The following AFF4 variants were observed in gnomAD, a reference collection of about 807,000 sequenced individuals.
The protein encoded by AFF4 is AF4/FMR2 family member 4.
Under a neutral mutation model 124.8 loss-of-function variants are expected in AFF4, and 13 were observed. The ratio of observed to expected loss-of-function variants is 0.10; its 90% confidence interval spans 0.07 to 0.17. AFF4 has a LOEUF of 0.17. Among genes scored for constraint, AFF4 ranks in the 10% least tolerant of loss-of-function variants. AFF4 has a pLI of 1.00. For missense variants in AFF4, 1,092 were observed against 1,403.8 expected (o/e 0.78, Z 3.55); for synonymous variants, 477 against 496.1 (o/e 0.96, Z 0.51).
chr5:132,932,355 G>T, intron 3 of AFF4, 133 bp from the exon 4 acceptor site: 1 of 550,444 alleles, frequency 1.8e-6, no homozygotes, highest in Non-Finnish European at 2.9e-6. Flanking sequence ...AGAATCTTTG[G>T]ATTAATTTCC....
chr5:132,893,445 A>C (rs1282471498), intron 11 of AFF4, among the ~76,000 whole-genome samples: 2 of 152,234 alleles, frequency 1.3e-5, no homozygotes, highest in Non-Finnish European at 2.9e-5. Flanking sequence ...TTAGAAGTGC[A>C]CAATTCCATA....
At chr5:132,921,413 G>T (rs182394909) in intron 5 of AFF4, among the ~76,000 whole-genome samples, 2 of 151,204 alleles carry the variant, frequency 1.3e-5, no homozygotes, top group Admixed American at 6.6e-5. Flanking sequence ...CCATTGGCAG[G>T]AATAAAAAAT....
At chr5:132,904,228 GAA>G (rs763656407) in intron 6 of AFF4, 138 bp downstream of exon 6, 437 of 522,850 alleles carry the variant, frequency 8.4e-4, no homozygotes, top group Non-Finnish European at 8.8e-4. Context: ...CTACACTCCA[GAA>G]AAAAAAAAAA....
rs754030020 is a variant in AFF4, at chr5:132,934,917, T to C, written c.148A>G (p.Ser50Gly). Residue 50 changes from serine to glycine, a missense_variant, in exon 3 of 21, where the codon AGT (serine) becomes GGT (glycine). Ser to Gly is a moderately conservative substitution (Grantham distance 56). This residue lies in a region of AFF4 where 35 missense variants were observed against 70.9 expected (regional missense o/e 0.49). Transcript: ENST00000265343. ...KVTSKEDKLSSRIQSMLGNYD... is the reference protein window; with the variant it reads ...KVTSKEDKLSGRIQSMLGNYD... ...TTTCCAAGCATACTCTGAATACGACTTGATAACTTATCTTCTTTGCTAGTC... is the reference window on the plus strand; with the variant it reads ...TTTCCAAGCATACTCTGAATACGACCTGATAACTTATCTTCTTTGCTAGTC... 1 of 1,585,492 alleles carries C rather than the reference T, an allele frequency of 6.3e-7. No homozygotes were observed.
intron 4 of AFF4, among the ~76,000 whole-genome samples, chr5:132,929,404 T>G (rs1761252132): frequency 6.6e-6 from 1 of 152,170 alleles, no homozygotes; most frequent in South Asian, 2.1e-4. Flanking sequence ...TAAGAAAATC[T>G]TCCACATACT....
chr5:132,952,194 T>C (rs1246362173), intron 1 of AFF4, among the ~76,000 whole-genome samples: 2 of 152,232 alleles, frequency 1.3e-5, no homozygotes, highest in African/African-American at 4.8e-5. Flanking sequence ...CTTTAGTAGA[T>C]ACAGCCAAAT....
At chr5:132,926,847 A>AC in intron 5 of AFF4, 1 of 275,570 alleles carries the variant, frequency 3.6e-6, no homozygotes, top group Non-Finnish European at 6.9e-6. Context: ...GGAGTGAGCC[A>AC]CCGTGTCCGG....
intron 1 of AFF4, among the ~76,000 whole-genome samples, chr5:132,947,352 G>A (rs954421746): frequency 3.3e-5 from 5 of 152,176 alleles, no homozygotes; most frequent in South Asian, 2.1e-4. Flanking sequence ...GCAGTGAGCC[G>A]AGATTGTGCC....
intron 3 of AFF4, among the ~76,000 whole-genome samples, chr5:132,932,991 G>A (rs1377303079): frequency 6.6e-6 from 1 of 152,186 alleles, no homozygotes; most frequent in Non-Finnish European, 1.5e-5. Flanking sequence ...TTGCAAAACA[G>A]CATTTTACAT....
intron 1 of AFF4, among the ~76,000 whole-genome samples, chr5:132,947,387 A>T (rs941120285): frequency 6.6e-6 from 1 of 152,336 alleles, no homozygotes; most frequent in Non-Finnish European, 1.5e-5. Flanking sequence ...TGCACAACAG[A>T]GTAAGACTCT....
intron 1 of AFF4, among the ~76,000 whole-genome samples, chr5:132,958,465 CAAAAAAAAA>C (rs34337170): frequency 3.6e-5 from 2 of 55,710 alleles, no homozygotes; most frequent in African/African-American, 1.7e-4. Flanking sequence ...GACCCTGTCT[CAAAAAAAAA>C]AAAAAAAAAA....
intron 1 of AFF4, among the ~76,000 whole-genome samples, chr5:132,949,756 G>A (rs1761792349): frequency 6.6e-6 from 1 of 151,678 alleles, no homozygotes; most frequent in Non-Finnish European, 1.5e-5. Context: ...CGGCTACTCG[G>A]GAGGCTGAGG....
intron 1 of AFF4, among the ~76,000 whole-genome samples, chr5:132,955,479 C>T (rs970867668): frequency 2.0e-5 from 3 of 152,010 alleles, no homozygotes; most frequent in African/African-American, 7.2e-5. Context: ...TACATAATAG[C>T]GTACATACAA....
At chr5:132,927,287 T>C (rs1761194250) in intron 4 of AFF4, 80 bp from the exon 5 acceptor site, 6 of 1,216,980 alleles carry the variant, frequency 4.9e-6, no homozygotes, top group Admixed American at 2.4e-5. Context: ...TTTGTATTTA[T>C]AAATACTGGT....
intron 4 of AFF4, among the ~76,000 whole-genome samples, chr5:132,928,406 C>T (rs141562184): frequency 2.6e-5 from 4 of 152,220 alleles, no homozygotes; most frequent in South Asian, 4.1e-4. Flanking sequence ...CCAGCTTGTC[C>T]GACCTCAGAC....
At chr5:132,903,453 T>A (rs533007855) in intron 6 of AFF4, among the ~76,000 whole-genome samples, 1 of 152,322 alleles carries the variant, frequency 6.6e-6, no homozygotes, top group South Asian at 2.1e-4. Context: ...TTACTGCTCT[T>A]GGCAAAAAGA....
In AFF4 at chr5:132,885,249, C is replaced by CGTGT. The variant is rs3835017; in HGVS notation, c.3100-134_3100-131dup. On this transcript the variant is annotated intron_variant, in intron 18 of 20. Transcript: ENST00000265343. ...TGTAAATATTTAAGACACCAAAATA[C>CGTGT]GTGTGTGTGTGTGTGTGTGTGTGTG... is the stretch of plus-strand genomic sequence containing the variant. 1,517 of 360,764 alleles carry CGTGT rather than the reference C, an allele frequency of 4.2e-3. 5 individuals carry two copies. Among genetic ancestry groups the CGTGT allele is most frequent in the Middle Eastern group, 0.02 (24 of 1,230 alleles). The allele number at this position is 360,764 out of a possible 1,614,324, so 22.3% of individuals were successfully genotyped here. A position where few individuals can be genotyped will look rare whatever the true frequency, so the allele number is the denominator to read the frequency against.
At chr5:132,915,565 T>G (rs896817423) in intron 5 of AFF4, among the ~76,000 whole-genome samples, 80 of 126,540 alleles carry the variant, frequency 6.3e-4, no homozygotes, top group Non-Finnish European at 8.1e-4. Flanking sequence ...TTCTTTTTTT[T>G]GGGTTTTTTT....
intron 11 of AFF4, among the ~76,000 whole-genome samples, chr5:132,893,349 T>G (rs1760309362): frequency 2.0e-5 from 3 of 152,200 alleles, no homozygotes; most frequent in Non-Finnish European, 4.4e-5. Flanking sequence ...GTCTCTAAGA[T>G]GGCATCTTTT....
Sources: gnomAD v4.1 joint callset for allele counts (sites outside exome capture counted in the v4.1 genomes callset) on GRCh38, gnomAD v4.1.1 for gene constraint, gnomAD v4.1.1 regional missense constraint, MANE v1.5 for transcripts, NCBI Gene and HGNC (gene_info 2026-07-23, HGNC 2026-07-21) for gene names.